TNNI3K: variants seen among roughly 807,000 people sequenced by gnomAD.
The protein encoded by TNNI3K is TNNI3 interacting kinase, also known as serine/threonine-protein kinase TNNI3K.
A neutral mutation model predicts 114.5 loss-of-function variants in TNNI3K; 140 were observed. The observed-to-expected ratio is 1.22, with a 90% CI of 1.07 to 1.41. The LOEUF (loss-of-function observed/expected upper bound fraction) is 1.41. Among genes scored for constraint, TNNI3K ranks in the 40% most tolerant of loss-of-function variants. The pLI is 0.00. For synonymous variants in TNNI3K, 347 were observed against 347.5 expected (o/e 1.00, Z 0.02); for missense variants, 1,125 against 1,007.6 (o/e 1.12, Z -1.58).
intron 4 of TNNI3K, among the ~76,000 whole-genome samples, chr1:74,258,670 A>G (rs560164257): frequency 6.6e-6 from 1 of 152,242 alleles, no homozygotes; most frequent in East Asian, 1.9e-4. Context: ...ATTGTCATCC[A>G]TTGCCTATAT....
chr1:74,256,527 C>A (rs931365479), intron 4 of TNNI3K, among the ~76,000 whole-genome samples: 2 of 151,540 alleles, frequency 1.3e-5, no homozygotes, highest in Non-Finnish European at 2.9e-5. Context: ...CAATTCTTTT[C>A]TTGAATATAC....
intron 5 of TNNI3K, among the ~76,000 whole-genome samples, chr1:74,303,231 C>T (rs1400210152): frequency 1.3e-5 from 2 of 152,118 alleles, no homozygotes; most frequent in Non-Finnish European, 2.9e-5. Context: ...TTTCACTCTT[C>T]TGCCCAAGCT....
chr1:74,415,581 G>A (rs1019535813), intron 17 of TNNI3K, among the ~76,000 whole-genome samples: 1 of 151,548 alleles, frequency 6.6e-6, no homozygotes, highest in Non-Finnish European at 1.5e-5. Flanking sequence ...TTTAATATTT[G>A]TCTCTAATAG....
chr1:74,345,346 C>T (rs1660950553), intron 9 of TNNI3K, among the ~76,000 whole-genome samples: 1 of 151,918 alleles, frequency 6.6e-6, no homozygotes, highest in African/African-American at 2.4e-5. Flanking sequence ...CTTAAAGGAG[C>T]CCTATTGTAA....
chr1:74,527,081 G>A (rs867641747), intron 23 of TNNI3K, among the ~76,000 whole-genome samples: 8 of 152,118 alleles, frequency 5.3e-5, no homozygotes, highest in African/African-American at 1.7e-4. Flanking sequence ...TTCAAGTCAC[G>A]TAGCCCCAAA....
Position 74,475,116 on chromosome 1 carries a change from C to CCACACACACACACACACA in TNNI3K, c.2121+11591_2121+11608dup, listed in dbSNP as rs3058791. Among the ~76,000 whole-genome samples, 4 of 135,912 alleles carry CCACACACACACACACACA rather than the reference C, an allele frequency of 2.9e-5. No homozygotes were observed. The East Asian group carries it at 9.1e-4, about 31-fold the overall frequency. The allele number at this position is 135,912 out of a possible 152,430, so 89.2% of individuals were successfully genotyped here. A position where few individuals can be genotyped will look rare whatever the true frequency, so the allele number is the denominator to read the frequency against. ...AAGAACACTTCATCTCCACCTCAGC[C>CCACACACACACACACACA]CACACACACACACACACACACACAC... On this transcript the variant is annotated intron_variant, in intron 21 of 24. Transcript: ENST00000326637.
At chr1:74,481,082 A>C in intron 21 of TNNI3K, 1 of 587,178 alleles carries the variant, frequency 1.7e-6, no homozygotes, top group East Asian at 2.8e-5. Context: ...CTGGGTAAAA[A>C]CAATAAACAA....
intron 20 of TNNI3K, among the ~76,000 whole-genome samples, chr1:74,445,679 C>T (rs1355204194): frequency 4.9e-5 from 7 of 143,042 alleles, no homozygotes; most frequent in East Asian, 2.0e-4. Flanking sequence ...GGCGGGATCT[C>T]GGCTCACTGC....
intron 5 of TNNI3K, among the ~76,000 whole-genome samples, chr1:74,298,626 A>G (rs1366802144): frequency 6.6e-6 from 1 of 152,024 alleles, no homozygotes; most frequent in African/African-American, 2.4e-5. Context: ...CTCCTTTTCA[A>G]TCCTCAAATC....
In TNNI3K at chr1:74,249,458, G is replaced by C; in HGVS notation, c.150-1G>C. The C allele has an allele frequency of 6.2e-7, 1 of 1,610,218 alleles. No homozygotes were observed. Among genetic ancestry groups the C allele is most frequent in the Non-Finnish European group, 8.5e-7 (1 of 1,178,540 alleles). On this transcript the variant is annotated splice_acceptor_variant, in intron 2 of 24. Coordinates refer to ENST00000326637, the MANE Select transcript of TNNI3K (RefSeq NM_015978.3). LOFTEE classifies it high-confidence loss of function. ...GATCATCTGTAACATGTTTTTTTCA[G>C]CTCTGATGAAGCCTTCAGTAAAGTC... is the stretch of plus-strand genomic sequence containing the variant.
intron 5 of TNNI3K, among the ~76,000 whole-genome samples, chr1:74,292,005 C>T (rs540845): frequency 1 from 151,183 of 151,582 alleles, 75,394 homozygotes; most frequent in Middle Eastern, 1. Flanking sequence ...CATTTATCTA[C>T]TTATCTAGTC....
rs551036621 is a variant in TNNI3K, at chr1:74,464,659, C to A, written c.2121+1109C>A. The A allele has an allele frequency of 1.0e-5, 16 of 1,593,676 alleles. No individual in the cohort carries two copies. In the East Asian group the frequency reaches 2.7e-4, roughly 27 times the overall value. On this transcript the variant is annotated intron_variant, in intron 21 of 24. Transcript: ENST00000326637. ...GGCAAAATCCAGACCAAGTCATTAC[C>A]CAGTCTCATCTGTGTACACAGAAAC...
At chr1:74,258,119 C>T (rs1655440766) in intron 4 of TNNI3K, among the ~76,000 whole-genome samples, 2 of 152,120 alleles carry the variant, frequency 1.3e-5, no homozygotes, top group Admixed American at 6.5e-5. Context: ...CAAAATCCCC[C>T]CGTACTACAT....
chr1:74,511,261 C>T (rs1048795075), intron 23 of TNNI3K, among the ~76,000 whole-genome samples: 1 of 150,072 alleles, frequency 6.7e-6, no homozygotes, highest in South Asian at 2.1e-4. Flanking sequence ...GGTGCGATCT[C>T]GGCTCACCAC....
At chr1:74,309,610 A>G (rs537149875) in intron 5 of TNNI3K, among the ~76,000 whole-genome samples, 16 of 152,134 alleles carry the variant, frequency 1.1e-4, no homozygotes, top group Admixed American at 1.3e-4. Context: ...ATAAATCACC[A>G]CAACAAAATG....
Position 74,359,008 on chromosome 1 carries a change from G to A in TNNI3K, c.1177+4879G>A, listed in dbSNP as rs1050157921. 7.2e-5 allele frequency among the ~76,000 whole-genome samples: 11 copies of A among 151,800 alleles called. 1 individual carries two copies. In the South Asian group the frequency reaches 1.2e-3, roughly 17 times the overall value. Reference sequence around the variant, plus strand: ...TTTGTTTTATAGATAAAGAGATTAAGACTTAGGGCTGCTAAGTCACACTTG... The same window carrying A: ...TTTGTTTTATAGATAAAGAGATTAAAACTTAGGGCTGCTAAGTCACACTTG... On this transcript the variant is annotated intron_variant, in intron 11 of 24. Transcript: ENST00000326637.
At chr1:74,344,725 C>G (rs564101991) in intron 9 of TNNI3K, among the ~76,000 whole-genome samples, 2 of 152,264 alleles carry the variant, frequency 1.3e-5, no homozygotes, top group African/African-American at 4.8e-5. Context: ...CTGTCACCTC[C>G]AAAAGATTGT....
intron 23 of TNNI3K, among the ~76,000 whole-genome samples, chr1:74,514,401 T>C (rs1000265112): frequency 6.6e-6 from 1 of 152,162 alleles, no homozygotes; most frequent in African/African-American, 2.4e-5. Flanking sequence ...GAGGAAGCAT[T>C]TAAGTAAAAA....
At chr1:74,316,951 G>A (rs1659346226) in intron 5 of TNNI3K, among the ~76,000 whole-genome samples, 3 of 151,468 alleles carry the variant, frequency 2.0e-5, no homozygotes, top group African/African-American at 2.4e-5. Flanking sequence ...TGCCCACCTC[G>A]GACTCCCAAA....
Sources: gnomAD v4.1 joint callset for allele counts (sites outside exome capture counted in the v4.1 genomes callset) on GRCh38, gnomAD v4.1.1 for gene constraint, MANE v1.5 for transcripts, NCBI Gene and HGNC (gene_info 2026-07-23, HGNC 2026-07-21) for gene names.